The following ZBTB16 variants were observed in gnomAD, a reference collection of about 807,000 sequenced individuals.
The protein encoded by ZBTB16 is zinc finger and BTB domain-containing protein 16.
Under a neutral mutation model 56.8 loss-of-function variants are expected in ZBTB16, and 8 were observed. The observed-to-expected ratio is 0.14, with a 90% CI of 0.08 to 0.25. ZBTB16 has a LOEUF of 0.25. ZBTB16 is among the 10% of genes least tolerant of loss of function. The probability of loss-of-function intolerance (pLI) is 1.00; values close to 1 mark genes in which losing one functional copy is unlikely to be tolerated. For missense variants in ZBTB16, 625 were observed against 903.0 expected, an observed-to-expected ratio of 0.69 and a Z score of 3.95; for synonymous variants, 363 against 368.5, an observed-to-expected ratio of 0.98 and a Z score of 0.17.
intron 3 of ZBTB16, among the ~76,000 whole-genome samples, chr11:114,159,041 G>A (rs1403099647): frequency 6.6e-6 from 1 of 152,240 alleles, no homozygotes; most frequent in African/African-American, 2.4e-5. Flanking sequence ...TGTCTCTGCT[G>A]TGAATCACAC....
intron 2 of ZBTB16, among the ~76,000 whole-genome samples, chr11:114,104,907 C>T (rs1940734446): frequency 6.6e-6 from 1 of 152,106 alleles, no homozygotes; most frequent in Non-Finnish European, 1.5e-5. Context: ...AGATTGAGTC[C>T]ACTGGGGCAT....
intron 2 of ZBTB16, among the ~76,000 whole-genome samples, chr11:114,081,234 C>T (rs1416706018): frequency 6.6e-6 from 1 of 152,166 alleles, no homozygotes; most frequent in Non-Finnish European, 1.5e-5. Context: ...GGCATGGTGA[C>T]TTGCCTCCTG....
chr11:114,164,177 T>C (rs1942678242), intron 3 of ZBTB16, among the ~76,000 whole-genome samples: 1 of 152,118 alleles, frequency 6.6e-6, no homozygotes, highest in Admixed American at 6.6e-5. Flanking sequence ...GGATTTGTCA[T>C]TTTTCCCCCC....
At chr11:114,193,175 G>C (rs963145483) in intron 4 of ZBTB16, among the ~76,000 whole-genome samples, 1 of 152,180 alleles carries the variant, frequency 6.6e-6, no homozygotes, top group Non-Finnish European at 1.5e-5. Flanking sequence ...GTCAGCTACC[G>C]AGTGCCCCCT....
chr11:114,078,471 C>T (rs1300811188), intron 2 of ZBTB16, among the ~76,000 whole-genome samples: 1 of 152,206 alleles, frequency 6.6e-6, no homozygotes, highest in East Asian at 1.9e-4. Flanking sequence ...GACCTCATCA[C>T]CTAGTCAATA....
intron 4 of ZBTB16, among the ~76,000 whole-genome samples, chr11:114,235,651 TTTC>T (rs1944555049): frequency 4.4e-5 from 1 of 22,870 alleles, no homozygotes; most frequent in Non-Finnish European, 1.2e-4. Context: ...TCTTTCTTTC[TTTC>T]TTTCTTTCTT....
intron 2 of ZBTB16, among the ~76,000 whole-genome samples, chr11:114,135,265 C>T (rs914406702): frequency 3.3e-5 from 5 of 152,154 alleles, no homozygotes; most frequent in African/African-American, 1.2e-4. Flanking sequence ...AATGAAACAC[C>T]CACTCCTGAA....
rs540925737 is a variant in ZBTB16 at position 114,139,490 on chromosome 11, A to C, written c.1269-16847A>C. ...TGACGATTTTCTAAATGAAACTTGCATACTTCATCTGCTCCCCCACTGCTC... is the reference window on the plus strand; with the variant it reads ...TGACGATTTTCTAAATGAAACTTGCCTACTTCATCTGCTCCCCCACTGCTC... On this transcript the variant is annotated intron_variant, in intron 2 of 6. Transcript: ENST00000335953. Among the ~76,000 whole-genome samples the C allele has an allele frequency of 1.5e-4, 23 of 152,216 alleles. No individual in the cohort carries two copies. In the South Asian group the frequency reaches 4.8e-3, roughly 32 times the overall value.
chr11:114,176,031 GA>G (rs1391539249), intron 3 of ZBTB16, among the ~76,000 whole-genome samples: 3 of 151,878 alleles, frequency 2.0e-5, no homozygotes, highest in Admixed American at 6.6e-5. Flanking sequence ...GTGTATGTGT[GA>G]AATCCTCCAT....
intron 3 of ZBTB16, among the ~76,000 whole-genome samples, chr11:114,159,829 T>A (rs1942526416): frequency 6.6e-6 from 1 of 150,510 alleles, no homozygotes; most frequent in South Asian, 2.1e-4. Flanking sequence ...ACAGTGAGAA[T>A]GGGTGTGCCA....
intron 2 of ZBTB16, among the ~76,000 whole-genome samples, chr11:114,130,738 T>C (rs1015475035): frequency 1.3e-5 from 2 of 152,252 alleles, no homozygotes; most frequent in African/African-American, 4.8e-5. Context: ...AAATAGATGC[T>C]TTCAGCTGAG....
At chr11:114,233,082 C>CGT in intron 4 of ZBTB16, among the ~76,000 whole-genome samples, 1 of 75,576 alleles carries the variant, frequency 1.3e-5, no homozygotes, top group Non-Finnish European at 2.7e-5. Flanking sequence ...CGCGCGCGCG[C>CGT]ACACACACAC....
intron 2 of ZBTB16, among the ~76,000 whole-genome samples, chr11:114,142,771 T>TG (rs1555143004): frequency 6.6e-6 from 1 of 150,746 alleles, no homozygotes; most frequent in Non-Finnish European, 1.5e-5. Context: ...GAGGGGGAGC[T>TG]GGGGGGATTG....
At position 114,143,966 on chromosome 11, in the gene ZBTB16, T is replaced by G. The variant is rs973573962; in HGVS notation, c.1269-12371T>G. ...GCATTTCCTGTGTGCTCGGGAGCCT[T>G]GCGTGTAAGGAGCAAGAGGAGCACG... On this transcript the variant is annotated intron_variant, in intron 2 of 6. Transcript: ENST00000335953. This position sits in a 1 kb window ranked among gnomAD's most constrained non-coding sequence, Gnocchi z 6.4. 2.0e-5 allele frequency among the ~76,000 whole-genome samples: 3 copies of G among 152,160 alleles called. No individual in the cohort carries two copies. Among genetic ancestry groups the G allele is most frequent in the Non-Finnish European group, 4.4e-5 (3 of 68,026 alleles).
At chr11:114,205,254 A>C (rs1481556343) in intron 4 of ZBTB16, among the ~76,000 whole-genome samples, 1 of 151,932 alleles carries the variant, frequency 6.6e-6, no homozygotes, top group Non-Finnish European at 1.5e-5. Context: ...CTAAAAATAC[A>C]AAAAAATTAG....
chr11:114,214,137 G>A (rs549427), intron 4 of ZBTB16, among the ~76,000 whole-genome samples: 8,257 of 152,154 alleles, frequency 0.054, 397 homozygotes, highest in Non-Finnish European at 0.073. Flanking sequence ...ATATGTTAAC[G>A]AGGACACAGT....
intron 5 of ZBTB16, among the ~76,000 whole-genome samples, chr11:114,246,212 G>T (rs1944812651): frequency 6.6e-6 from 1 of 152,196 alleles, no homozygotes; most frequent in African/African-American, 2.4e-5. Flanking sequence ...GGTGAGGCTT[G>T]CTTCTTATCC....
chr11:114,137,426 A>G (rs1399299770), intron 2 of ZBTB16, among the ~76,000 whole-genome samples: 2 of 152,194 alleles, frequency 1.3e-5, no homozygotes, highest in African/African-American at 2.4e-5. Context: ...AAGGCCACCA[A>G]TGGCACTTCC....
chr11:114,253,457 A>G lies in ZBTB16; in HGVS notation c.*2902A>G, dbSNP rs1475168686. On this transcript the variant is annotated 3_prime_UTR_variant, in exon 7 of 7. Transcript: ENST00000335953. ...CACCAAAATATCCCTTTGTACATGT[A>G]TGTGCGTGTGCGCGTGTGCTTTGTG... Among the ~76,000 whole-genome samples the G allele has an allele frequency of 6.6e-6, 1 of 152,166 alleles. No individual in the cohort carries two copies. The highest frequency in any genetic ancestry group is 1.5e-5 in the Non-Finnish European group (1 of 68,038).
Sources: gnomAD v4.1 joint callset for allele counts (sites outside exome capture counted in the v4.1 genomes callset) on GRCh38, gnomAD v4.1.1 for gene constraint, Gnocchi (gnomAD v3.1) non-coding constraint, MANE v1.5 for transcripts, NCBI Gene and HGNC (gene_info 2026-07-23, HGNC 2026-07-21) for gene names.